Variants in RNF220 observed in about 807,000 individuals in gnomAD.
RNF220 encodes the protein ring finger protein 220.
A neutral mutation model predicts 67.1 loss-of-function variants in RNF220; 7 were observed. The ratio of observed to expected loss-of-function variants is 0.10; its 90% CI spans 0.06 to 0.20. RNF220 has a LOEUF of 0.20. Ranked by LOEUF, RNF220 falls within the 10% of genes least tolerant of loss-of-function variation. The pLI, the probability that RNF220 is intolerant of heterozygous loss-of-function variation, is 1.00. For missense variants in RNF220, 565 were observed against 740.3 expected, an observed-to-expected ratio of 0.76 and a Z score of 2.75; for synonymous variants, 270 against 283.2, an observed-to-expected ratio of 0.95 and a Z score of 0.47.
intron 2 of RNF220, among the ~76,000 whole-genome samples, chr1:44,519,223 TATTC>T (rs796227664): frequency 5.6e-4 from 85 of 152,342 alleles, no homozygotes; most frequent in Middle Eastern, 3.4e-3. Flanking sequence ...ATGAGAAGTT[TATTC>T]ATTCAGTCAT....
rs1334260024 is a variant in RNF220 at position 44,417,750 on chromosome 1, T to C, written c.625+5028T>C. On this transcript the variant is annotated intron_variant, in intron 2 of 14. Transcript: ENST00000361799. The surrounding 1 kb of genome is among the most constrained non-coding windows in gnomAD (Gnocchi z 4.0). ...GAAGGGTGGCTGGTAATTGATCTTCTGGGGGAGGGGGCGCGGAGAGGCGCG... is the reference window on the plus strand; with the variant it reads ...GAAGGGTGGCTGGTAATTGATCTTCCGGGGGAGGGGGCGCGGAGAGGCGCG... 1.3e-5 allele frequency among the ~76,000 whole-genome samples: 2 copies of C among 152,128 alleles called. No individual in the cohort carries two copies. Among genetic ancestry groups the C allele is most frequent in the Non-Finnish European group, 2.9e-5 (2 of 68,016 alleles).
At chr1:44,636,347 G>C in intron 8 of RNF220, 185 bp downstream of exon 8, 2 of 791,022 alleles carry the variant, frequency 2.5e-6, no homozygotes, top group Non-Finnish European at 2.2e-6. Context: ...TATTAAAATG[G>C]ATGTATTTGG....
At chr1:44,637,975 A>G (rs904032398) in intron 8 of RNF220, among the ~76,000 whole-genome samples, 1 of 152,250 alleles carries the variant, frequency 6.6e-6, no homozygotes, top group Admixed American at 6.5e-5. Flanking sequence ...GCTGTTTTAC[A>G]GCGAGATCAG....
intron 2 of RNF220, among the ~76,000 whole-genome samples, chr1:44,438,384 A>C (rs1272803277): frequency 6.6e-6 from 1 of 152,130 alleles, no homozygotes; most frequent in Non-Finnish European, 1.5e-5. Context: ...TGACCTCCCA[A>C]AGTGCTGGGA....
Position 44,600,886 on chromosome 1 carries a change from C to A in RNF220, c.626-13279C>A, listed in dbSNP as rs1311937979. The stretch of plus-strand genomic sequence containing the variant: ...TTTGATTAGTGTTACCACTTCCCTT[C>A]TTCCTCATCTCTTCAACAAGTACTT... On this transcript the variant is annotated intron_variant, in intron 2 of 14. Transcript: ENST00000361799. The surrounding 1 kb of genome is among the most constrained non-coding windows in gnomAD (Gnocchi z 4.0). Among the ~76,000 whole-genome samples, 9 of 152,066 alleles carry A rather than the reference C, an allele frequency of 5.9e-5. No homozygotes were observed. The highest frequency in any genetic ancestry group is 1.0e-4 in the Non-Finnish European group (7 of 68,020).
intron 2 of RNF220, among the ~76,000 whole-genome samples, chr1:44,553,979 G>C (rs143380293): frequency 7.6e-4 from 116 of 152,244 alleles, no homozygotes; most frequent in Middle Eastern, 3.4e-3. Flanking sequence ...CAGAGAAGGA[G>C]CCAGGGCAAT....
chr1:44,487,133 G>A (rs112442673), intron 2 of RNF220, among the ~76,000 whole-genome samples: 11 of 151,908 alleles, frequency 7.2e-5, no homozygotes, highest in African/African-American at 2.2e-4. Flanking sequence ...TCAGGAGCTC[G>A]AGACCAGCCT....
Position 44,617,750 on chromosome 1 carries a change from C to T in RNF220, c.758+3453C>T, listed in dbSNP as rs183814561. Among the ~76,000 whole-genome samples the T allele has an allele frequency of 4.6e-3, 695 of 152,328 alleles. 1 individual carries two copies. Among genetic ancestry groups the T allele is most frequent in the Non-Finnish European group, 7.1e-3 (483 of 68,020 alleles). Reference sequence around the variant, plus strand: ...ATTTCACAGATGGGGAAACTGAGGCCCGCAGGAGGGCAGAGCCTGTGTGTG... The same window carrying T: ...ATTTCACAGATGGGGAAACTGAGGCTCGCAGGAGGGCAGAGCCTGTGTGTG... On this transcript the variant is annotated intron_variant, in intron 3 of 14. Coordinates refer to ENST00000361799, the MANE Select transcript of RNF220 (RefSeq NM_018150.4).
rs1572694157 is a variant in RNF220, at chr1:44,501,148, A to G, written c.625+88426A>G. 7.3e-5 allele frequency among the ~76,000 whole-genome samples: 7 copies of G among 96,480 alleles called. No homozygotes were observed. In the Admixed American group the frequency reaches 1.1e-3, roughly 15 times the overall value. 63.3% of individuals were successfully genotyped at this position (96,480 alleles called of 152,430 possible). Reference sequence around the variant, plus strand: ...GAGTGACACAGTGACACAAAGGGAGAGTCTTGTGCTTGGGGGAGGGGGTGG... The same window carrying G: ...GAGTGACACAGTGACACAAAGGGAGGGTCTTGTGCTTGGGGGAGGGGGTGG... On this transcript the variant is annotated intron_variant, in intron 2 of 14. Transcript: ENST00000361799.
chr1:44,588,801 A>G (rs1004205330), intron 2 of RNF220, among the ~76,000 whole-genome samples: 3 of 152,138 alleles, frequency 2.0e-5, no homozygotes, highest in African/African-American at 7.2e-5. Flanking sequence ...CCCCAACCCT[A>G]CCTGGGGTTC....
At chr1:44,575,655 G>A (rs1263749582) in intron 2 of RNF220, among the ~76,000 whole-genome samples, 2 of 152,186 alleles carry the variant, frequency 1.3e-5, no homozygotes, top group African/African-American at 4.8e-5. Context: ...AGTAACAGAT[G>A]CTGGCAAGAA....
chr1:44,597,082 C>T (rs1344804737), intron 2 of RNF220, among the ~76,000 whole-genome samples: 1 of 152,224 alleles, frequency 6.6e-6, no homozygotes, highest in African/African-American at 2.4e-5. Flanking sequence ...TCCTGACCCA[C>T]ATGCCAGATG....
Position 44,607,679 on chromosome 1 carries a change from C to T in RNF220, c.626-6486C>T, listed in dbSNP as rs908427388. 4.4e-4 allele frequency among the ~76,000 whole-genome samples: 67 copies of T among 151,468 alleles called. 1 individual carries two copies. Among genetic ancestry groups the T allele is most frequent in the Admixed American group, 3.6e-3 (55 of 15,230 alleles). On this transcript the variant is annotated intron_variant, in intron 2 of 14. Transcript: ENST00000361799. ...ATTTTTTTTGTATTTTTAGTAGAGACGGGGTTTCACTGTGTTAGCCAGGAT... is the reference window on the plus strand; with the variant it reads ...ATTTTTTTTGTATTTTTAGTAGAGATGGGGTTTCACTGTGTTAGCCAGGAT...
At position 44,649,481 on chromosome 1, in the gene RNF220, G is replaced by A. The variant is rs1644733302; in HGVS notation, c.1446-180G>A. 3 of 617,340 alleles carry A rather than the reference G, an allele frequency of 4.9e-6. No homozygotes were observed. The South Asian group carries it at 5.7e-5, about 12-fold the overall frequency. 38.2% of individuals were successfully genotyped at this position (617,340 alleles called of 1,614,324 possible). ...CCGAATGGGAATGGAGGAATAGAGA[G>A]GGTGAGGAGTTTAGTTCTGGAATGT... On this transcript the variant is annotated intron_variant, in intron 12 of 14. Transcript: ENST00000361799. This position sits in a 1 kb window ranked among gnomAD's most constrained non-coding sequence, Gnocchi z 5.9.
chr1:44,536,956 A>C (rs1661272483), intron 2 of RNF220, among the ~76,000 whole-genome samples: 1 of 151,952 alleles, frequency 6.6e-6, no homozygotes, highest in Non-Finnish European at 1.5e-5. Flanking sequence ...CGCTCCCTGC[A>C]TGCCTCCCCC....
chr1:44,483,215 A>G (rs767357105), intron 2 of RNF220, among the ~76,000 whole-genome samples: 12 of 152,110 alleles, frequency 7.9e-5, no homozygotes, highest in Admixed American at 1.3e-4. Context: ...GCAGGCATGA[A>G]CTACCATGCC....
At chr1:44,444,094 A>G (rs1651834432) in intron 2 of RNF220, among the ~76,000 whole-genome samples, 1 of 152,206 alleles carries the variant, frequency 6.6e-6, no homozygotes, top group Admixed American at 6.5e-5. Context: ...CCGTCTCAAA[A>G]AAAGAAAGAA....
chr1:44,516,904 ACT>A (rs953988471), intron 2 of RNF220, among the ~76,000 whole-genome samples: 1 of 151,738 alleles, frequency 6.6e-6, no homozygotes, highest in African/African-American at 2.4e-5. Context: ...TCTAACAGAC[ACT>A]CTGCCCTCAC....
At chr1:44,601,212 A>C (rs988430183) in intron 2 of RNF220, among the ~76,000 whole-genome samples, 1 of 152,194 alleles carries the variant, frequency 6.6e-6, no homozygotes, top group African/African-American at 2.4e-5. Flanking sequence ...GACCTCACTG[A>C]GAGTAGTTAC....
Sources: gnomAD v4.1 joint callset for allele counts (sites outside exome capture counted in the v4.1 genomes callset) on GRCh38, gnomAD v4.1.1 for gene constraint, Gnocchi (gnomAD v3.1) non-coding constraint, MANE v1.5 for transcripts, NCBI Gene and HGNC (gene_info 2026-07-23, HGNC 2026-07-21) for gene names.